Variants in ANO4 observed in about 807,000 individuals in gnomAD.
The protein encoded by ANO4 is anoctamin 4, also known as anoctamin-4.
Under a neutral mutation model 141.9 loss-of-function variants are expected in ANO4, and 69 were observed. That is an observed-to-expected ratio of 0.49 (90% confidence interval 0.40 to 0.59). ANO4 has a LOEUF of 0.59. ANO4 is among the 20% of genes least tolerant of loss of function. ANO4 has a pLI of 0.00. For synonymous variants in ANO4, 350 were observed against 394.3 expected, an observed-to-expected ratio of 0.89 and a Z score of 1.33; for missense variants, 894 against 1,162.2, an observed-to-expected ratio of 0.77 and a Z score of 3.36.
intron 2 of ANO4, 137 bp from the exon 3 acceptor site, chr12:100,922,087 TCC>T: frequency 2.1e-6 from 1 of 480,568 alleles, no homozygotes; most frequent in Non-Finnish European, 3.4e-6. Context: ...TTTTCTTAAG[TCC>T]TTTGTCTAAG....
chr12:101,080,283 G>C (rs1396522098), intron 15 of ANO4, among the ~76,000 whole-genome samples: 1 of 152,076 alleles, frequency 6.6e-6, no homozygotes, highest in African/African-American at 2.4e-5. Context: ...GTTGTTGTTT[G>C]TTTCCTTCAC....
At chr12:100,947,999 T>C (rs530693073) in intron 5 of ANO4, among the ~76,000 whole-genome samples, 29 of 151,982 alleles carry the variant, frequency 1.9e-4, no homozygotes, top group East Asian at 5.8e-4. Flanking sequence ...CTGGCTAACA[T>C]GGTGAAACCC....
intron 9 of ANO4, among the ~76,000 whole-genome samples, chr12:101,031,126 A>G (rs2046956876): frequency 6.6e-6 from 1 of 152,214 alleles, no homozygotes; most frequent in African/African-American, 2.4e-5. Context: ...GCAGAGACAC[A>G]ACAAAAAATA....
chr12:100,753,117 C>T (rs1446743544), intron 3 of ANO4, among the ~76,000 whole-genome samples: 1 of 152,140 alleles, frequency 6.6e-6, no homozygotes, highest in African/African-American at 2.4e-5. Context: ...AGAGAAGGGG[C>T]CAGTCCAATC....
At chr12:100,912,424 A>AG (rs1370134068) in intron 2 of ANO4, among the ~76,000 whole-genome samples, 6 of 150,006 alleles carry the variant, frequency 4.0e-5, no homozygotes, top group East Asian at 1.9e-4. Flanking sequence ...AAAGAAAAAA[A>AG]AAAAAAAGCT....
intron 3 of ANO4, among the ~76,000 whole-genome samples, chr12:100,763,703 G>A (rs989727142): frequency 6.6e-6 from 1 of 152,116 alleles, no homozygotes; most frequent in Non-Finnish European, 1.5e-5. Flanking sequence ...GTTTTATTTC[G>A]GGTCATGTGG....
At chr12:101,120,769 G>T in intron 26 of ANO4, 144 bp downstream of exon 26, 3 of 647,590 alleles carry the variant, frequency 4.6e-6, no homozygotes, top group South Asian at 4.6e-5. Context: ...ACCTCTTTTT[G>T]ATCTTTTTTC....
intron 1 of ANO4, among the ~76,000 whole-genome samples, chr12:100,795,852 T>C (rs545577979): frequency 6.6e-6 from 1 of 152,278 alleles, no homozygotes; most frequent in African/African-American, 2.4e-5. Flanking sequence ...ATGTGGCAGA[T>C]TGTTTATTCC....
At chr12:100,967,971 G>C (rs913988275) in intron 5 of ANO4, among the ~76,000 whole-genome samples, 23 of 152,174 alleles carry the variant, frequency 1.5e-4, no homozygotes, top group African/African-American at 5.3e-4. Flanking sequence ...CTGTGGGTGA[G>C]CCACTTGTCA....
chr12:100,862,889 G>A (rs1389113271), intron 1 of ANO4, among the ~76,000 whole-genome samples: 8 of 152,180 alleles, frequency 5.3e-5, no homozygotes, highest in African/African-American at 1.9e-4. Context: ...GGTAAGTCAG[G>A]CAGCTGTAAG....
chr12:100,780,838 C>T (rs895844168), intron 3 of ANO4, among the ~76,000 whole-genome samples: 1 of 152,158 alleles, frequency 6.6e-6, no homozygotes, highest in African/African-American at 2.4e-5. Context: ...GCCTCTGTGC[C>T]CAGCCGCAAT....
At chr12:100,821,624 T>C (rs919388306) in intron 1 of ANO4, among the ~76,000 whole-genome samples, 2 of 152,046 alleles carry the variant, frequency 1.3e-5, no homozygotes, top group East Asian at 3.9e-4. Flanking sequence ...CTTACTGTTC[T>C]CAATGAGTTT....
intron 2 of ANO4, among the ~76,000 whole-genome samples, chr12:100,908,368 A>G (rs963643120): frequency 1.3e-5 from 2 of 152,098 alleles, no homozygotes; most frequent in African/African-American, 4.8e-5. Flanking sequence ...AAACAAAACA[A>G]AACAAAAAAA....
rs1398944962 is a variant in ANO4, at chr12:100,958,177, C to T, written c.457-13129C>T. Among the ~76,000 whole-genome samples, 4 of 152,172 alleles carry T rather than the reference C, an allele frequency of 2.6e-5. No homozygotes were observed. In the East Asian group the frequency reaches 7.7e-4, roughly 29 times the overall value. ...TAAACTGCATCTTGTTCATGCCCAC[C>T]CCTGAGTGATTTAATGTTGCTGGAA... On this transcript the variant is annotated intron_variant, in intron 5 of 27. Coordinates refer to ENST00000392977, the MANE Select transcript of ANO4 (RefSeq NM_001286615.2).
Position 101,083,773 on chromosome 12 carries a change from T to G in ANO4, c.1491T>G (p.Asp497Glu). ...CAGAACCTTATCAAGCATTTACAGA[T>G]AAATGCAGCAGACTTATCGTTTCTG... ...GKPEPYQAFT[D>E]KCSRLIVSAS... Residue 497 changes from aspartate (D) to glutamate (E), a missense_variant, in exon 16 of 28, where the codon GAT (aspartate) becomes GAG (glutamate). By Grantham distance (45) the Asp-to-Glu change is conservative. Coordinates refer to ENST00000392977, the MANE Select transcript of ANO4 (RefSeq NM_001286615.2). 1 of 1,600,160 alleles carries G rather than the reference T, an allele frequency of 6.2e-7. No homozygotes were observed.
At chr12:100,766,563 G>A (rs1291359569) in intron 3 of ANO4, among the ~76,000 whole-genome samples, 2 of 151,900 alleles carry the variant, frequency 1.3e-5, no homozygotes, top group Admixed American at 6.6e-5. Context: ...ATTTCATCTC[G>A]TTATTGATTT....
chr12:100,882,439 G>A (rs548046260), intron 1 of ANO4, among the ~76,000 whole-genome samples: 7 of 151,966 alleles, frequency 4.6e-5, no homozygotes, highest in Admixed American at 6.6e-5. Context: ...TCTCTATTTC[G>A]TAGATAAGAA....
chr12:101,097,891 G>A lies in ANO4; in HGVS notation c.1952G>A (p.Gly651Asp), dbSNP rs1181912783. The change falls in exon 21 of 28, where the codon GGT becomes GAT. Residue 651 changes from glycine (G) to aspartate (D), a missense_variant. Around this residue, in one of 2 missense-constraint regions of ANO4, gnomAD observed 637 missense variants for 909.2 expected, o/e 0.70. Transcript: ENST00000392977. ...GCLIDLCMQM[G>D]IIMVLKQTWN... The stretch of plus-strand genomic sequence containing the variant: ...CTTATTGATCTGTGTATGCAAATGG[G>A]TATTATAATGGTGCTAAAGCAGACC... 6.2e-7 allele frequency: 1 copy of A among 1,613,870 alleles called. No homozygotes were observed. Among genetic ancestry groups the A allele is most frequent in the Non-Finnish European group, 8.5e-7 (1 of 1,179,830 alleles).
intron 1 of ANO4, among the ~76,000 whole-genome samples, chr12:100,864,811 A>G (rs1001655528): frequency 6.6e-6 from 1 of 152,020 alleles, no homozygotes; most frequent in East Asian, 1.9e-4. Flanking sequence ...CATTTTAGGT[A>G]TTTCTCCTAA....
Sources: gnomAD v4.1 joint callset for allele counts (sites outside exome capture counted in the v4.1 genomes callset) on GRCh38, gnomAD v4.1.1 for gene constraint, gnomAD v4.1.1 regional missense constraint, MANE v1.5 for transcripts, NCBI Gene and HGNC (gene_info 2026-07-23, HGNC 2026-07-21) for gene names.